Variants in TENM3 observed in about 807,000 individuals in gnomAD.
TENM3 encodes teneurin-3.
Under a neutral mutation model 255.1 loss-of-function variants are expected in TENM3, and 63 were observed. That is an observed-to-expected ratio of 0.25 (90% confidence interval 0.20 to 0.30). The LOEUF is 0.30. Ranked by LOEUF, TENM3 falls within the 10% of genes least tolerant of loss-of-function variation. The pLI, the probability that TENM3 is intolerant of heterozygous loss-of-function variation, is 1.00. For synonymous variants in TENM3, 1,306 were observed against 1,322.3 expected (o/e 0.99, Z 0.27); for missense variants, 2,929 against 3,461.1 (o/e 0.85, Z 3.86).
In TENM3 at chr4:182,264,562, C is replaced by T. The variant is rs547099399; in HGVS notation, c.-76+21086C>T. Among the ~76,000 whole-genome samples the T allele has an allele frequency of 3.9e-5, 6 of 152,364 alleles. No homozygotes were observed. The South Asian group carries it at 1.2e-3, about 32-fold the overall frequency. On this transcript the variant is annotated intron_variant, in intron 1 of 27. Coordinates refer to ENST00000511685, the MANE Select transcript of TENM3 (RefSeq NM_001080477.4). ...GAAAAAAGACAGAGACTGTCCTGTG[C>T]TGTAGCTCAGTAGCTAAGGTTTTTG...
At chr4:181,721,549 G>A in the TENM3 span, among the ~76,000 whole-genome samples, 2 of 40,062 alleles carry the variant, frequency 5.0e-5, no homozygotes, top group African/African-American at 6.8e-5. Context: ...GCAGTGAGCC[G>A]AGATCGCGCC....
At chr4:181,900,859 T>C in the TENM3 span, among the ~76,000 whole-genome samples, 2 of 152,196 alleles carry the variant, frequency 1.3e-5, no homozygotes, top group Non-Finnish European at 1.5e-5. Flanking sequence ...AGTTTCTTTA[T>C]TCTCTCTCAA....
the TENM3 span, among the ~76,000 whole-genome samples, chr4:181,803,444 T>G: frequency 6.6e-6 from 1 of 152,198 alleles, no homozygotes; most frequent in African/African-American, 2.4e-5. Flanking sequence ...TAATCTGAAA[T>G]GGCCTTGAAA....
At chr4:181,731,673 TTAAA>T in the TENM3 span, among the ~76,000 whole-genome samples, 1 of 152,212 alleles carries the variant, frequency 6.6e-6, no homozygotes, top group Non-Finnish European at 1.5e-5. Context: ...TTATTTTAAA[TTAAA>T]TGTGTTGAAT....
At chr4:181,647,433 T>C in the TENM3 span, among the ~76,000 whole-genome samples, 1 of 152,308 alleles carries the variant, frequency 6.6e-6, no homozygotes, top group South Asian at 2.1e-4. Context: ...CTGCAATATG[T>C]AGAGTAATAT....
intron 9 of TENM3, 81 bp downstream of exon 9, chr4:182,680,430 G>A (rs1280275805): frequency 8.9e-6 from 8 of 898,888 alleles, no homozygotes; most frequent in African/African-American, 2.0e-5. Flanking sequence ...ACCGAGACAG[G>A]AAAGAAAGGG....
chr4:182,096,430 A>G, the TENM3 span, among the ~76,000 whole-genome samples: 3 of 152,242 alleles, frequency 2.0e-5, no homozygotes, highest in Admixed American at 6.5e-5. Flanking sequence ...TAGGAGCCAA[A>G]TCATAGAAGA....
chr4:182,264,542 A>T (rs772820752), intron 1 of TENM3, among the ~76,000 whole-genome samples: 1 of 152,240 alleles, frequency 6.6e-6, no homozygotes, highest in African/African-American at 2.4e-5. Flanking sequence ...TCTGGGAAAA[A>T]AGACAGAGAC....
rs775589015 is a variant in TENM3, at chr4:182,793,264, C to T, written c.6592C>T (p.Arg2198Cys). 35 of 1,613,756 alleles carry T rather than the reference C, an allele frequency of 2.2e-5. 1 individual carries two copies. In the Middle Eastern group the frequency reaches 8.2e-4, roughly 38 times the overall value. ...QYRLDEDGFL[R>C]QRGTEIFEYS... is the part of the protein sequence containing the mutation. ...TCGGTTGGATGAAGATGGTTTCCTA[C>T]GTCAAAGGGGCACGGAAATCTTTGA... Residue 2198 changes from arginine (R) to cysteine (C), a missense_variant, in exon 26 of 28, where the codon CGT becomes TGT. This residue lies in a region of TENM3 where 256 missense variants were observed against 389.3 expected (regional missense o/e 0.66). Coordinates refer to ENST00000511685, the MANE Select transcript of TENM3 (RefSeq NM_001080477.4). This position sits in a 1 kb window ranked among gnomAD's most constrained non-coding sequence, Gnocchi z 5.7.
At chr4:182,699,519 A>T (rs1477895158) in intron 12 of TENM3, among the ~76,000 whole-genome samples, 1 of 152,182 alleles carries the variant, frequency 6.6e-6, no homozygotes, top group African/African-American at 2.4e-5. Flanking sequence ...TATAATTATT[A>T]TCTCAAGGAA....
At chr4:181,928,142 C>T in the TENM3 span, among the ~76,000 whole-genome samples, 1 of 152,038 alleles carries the variant, frequency 6.6e-6, no homozygotes, top group Admixed American at 6.5e-5. Context: ...ATCACAACTC[C>T]TCGCCAGCAA....
intron 1 of TENM3, among the ~76,000 whole-genome samples, chr4:182,193,620 A>T (rs1229612334): frequency 6.6e-6 from 1 of 152,202 alleles, no homozygotes; most frequent in African/African-American, 2.4e-5. Flanking sequence ...TTCATCTATA[A>T]TTACTACATT....
At chr4:182,019,395 A>G in the TENM3 span, among the ~76,000 whole-genome samples, 3 of 152,138 alleles carry the variant, frequency 2.0e-5, no homozygotes, top group Non-Finnish European at 4.4e-5. Context: ...TGCAGGAATT[A>G]CTGAAATGCT....
intron 3 of TENM3, among the ~76,000 whole-genome samples, chr4:182,375,013 A>G (rs571265708): frequency 6.6e-6 from 1 of 152,178 alleles, no homozygotes; most frequent in South Asian, 2.1e-4. Flanking sequence ...GCCTTTGATC[A>G]TACCACCAAC....
chr4:182,271,436 A>T (rs560584026), intron 1 of TENM3, among the ~76,000 whole-genome samples: 1 of 152,184 alleles, frequency 6.6e-6, no homozygotes, highest in South Asian at 2.1e-4. Flanking sequence ...CCGTCCTTCC[A>T]CCATGCATAG....
chr4:182,265,823 T>G (rs1007371866), intron 1 of TENM3, among the ~76,000 whole-genome samples: 1 of 152,246 alleles, frequency 6.6e-6, no homozygotes, highest in African/African-American at 2.4e-5. Flanking sequence ...ATAAAAACTG[T>G]AATGCCTTTT....
At chr4:181,838,031 A>C in the TENM3 span, among the ~76,000 whole-genome samples, 5 of 152,064 alleles carry the variant, frequency 3.3e-5, no homozygotes, top group East Asian at 9.7e-4. Flanking sequence ...CCAGTGACTC[A>C]GAAGTCTGAG....
At chr4:182,316,729 G>T (rs1166411236) in intron 1 of TENM3, among the ~76,000 whole-genome samples, 2 of 152,158 alleles carry the variant, frequency 1.3e-5, no homozygotes, top group Non-Finnish European at 2.9e-5. Flanking sequence ...AGTACTCTGT[G>T]GAACACCCCA....
At chr4:182,170,289 AT>A (rs1299024648) in intron 1 of TENM3, among the ~76,000 whole-genome samples, 1 of 152,114 alleles carries the variant, frequency 6.6e-6, no homozygotes, top group Admixed American at 6.5e-5. Flanking sequence ...TGATTTTTTC[AT>A]TGCATTTCAT....
Sources: gnomAD v4.1 joint callset for allele counts (sites outside exome capture counted in the v4.1 genomes callset) on GRCh38, gnomAD v4.1.1 for gene constraint, gnomAD v4.1.1 regional missense constraint, Gnocchi (gnomAD v3.1) non-coding constraint, MANE v1.5 for transcripts, NCBI Gene and HGNC (gene_info 2026-07-23, HGNC 2026-07-21) for gene names.